ADARB2: variants seen among roughly 807,000 people sequenced by gnomAD.
ADARB2 encodes inactive double-stranded RNA-specific editase B2.
In ADARB2, 25 loss-of-function variants were observed where a neutral mutation model predicts 62.2. That is an observed-to-expected ratio of 0.40 (90% CI 0.29 to 0.56). The LOEUF is 0.56. Among genes scored for constraint, ADARB2 ranks in the 20% least tolerant of loss-of-function variants. ADARB2 has a pLI of 0.43. For synonymous variants in ADARB2, 572 were observed against 500.8 expected (o/e 1.14, Z -1.90); for missense variants, 1,071 against 1,077.4 (o/e 0.99, Z 0.08).
chr10:1,270,763 G>GGCCTAAT (rs1360002888), intron 4 of ADARB2, among the ~76,000 whole-genome samples, 192 bp downstream of exon 4: 2 of 152,224 alleles, frequency 1.3e-5, no homozygotes, highest in Non-Finnish European at 2.9e-5. Flanking sequence ...CCTAATCACA[G>GGCCTAAT]CACCATGGTC....
chr10:1,481,653 T>C (rs1223570416), intron 1 of ADARB2, among the ~76,000 whole-genome samples: 1 of 151,628 alleles, frequency 6.6e-6, no homozygotes, highest in Admixed American at 6.6e-5. Flanking sequence ...GGTCAGGAGT[T>C]CAAGACCAGC....
Position 1,737,284 on chromosome 10 carries a change from G to T in ADARB2, c.-134C>A. 1 of 791,134 alleles carries T rather than the reference G, an allele frequency of 1.3e-6. No homozygotes were observed. The highest frequency in any genetic ancestry group is 1.7e-5 in the South Asian group (1 of 59,346). The allele number at this position is 791,134 out of a possible 1,614,324, so 49.0% of individuals were successfully genotyped here. Reference sequence around the variant, plus strand: ...CGGGAGCGGCTCACTTTTCAGGACTGAGCAGGAAAGCGCGCTCCGTCTCTC... The same window carrying T: ...CGGGAGCGGCTCACTTTTCAGGACTTAGCAGGAAAGCGCGCTCCGTCTCTC... On this transcript the variant is annotated 5_prime_UTR_variant, in exon 1 of 10. Coordinates refer to ENST00000381312, the MANE Select transcript of ADARB2 (RefSeq NM_018702.4).
At chr10:1,636,204 G>C (rs773068229) in intron 1 of ADARB2, among the ~76,000 whole-genome samples, 6 of 152,176 alleles carry the variant, frequency 3.9e-5, no homozygotes, top group Non-Finnish European at 7.3e-5. Context: ...AACTGGTCTA[G>C]GCAGACTGAC....
chr10:1,411,633 G>A (rs112690944), intron 1 of ADARB2, among the ~76,000 whole-genome samples: 2,884 of 152,296 alleles, frequency 0.019, 38 homozygotes, highest in Middle Eastern at 0.044. Context: ...CGGGCGGTCC[G>A]TGCTGAGTGG....
At chr10:1,635,059 T>A (rs1833903075) in intron 1 of ADARB2, among the ~76,000 whole-genome samples, 1 of 152,218 alleles carries the variant, frequency 6.6e-6, no homozygotes, top group Non-Finnish European at 1.5e-5. Flanking sequence ...CTAAAGTAAG[T>A]GTATTTGTGA....
chr10:1,466,494 A>G (rs1366458777), intron 1 of ADARB2, among the ~76,000 whole-genome samples: 1 of 152,060 alleles, frequency 6.6e-6, no homozygotes, highest in South Asian at 2.1e-4. Context: ...GGCCGCACAC[A>G]TGGTGGGGGA....
intron 8 of ADARB2, among the ~76,000 whole-genome samples, chr10:1,195,655 G>C (rs1836900442): frequency 6.6e-6 from 1 of 152,072 alleles, no homozygotes; most frequent in Non-Finnish European, 1.5e-5. Flanking sequence ...ATCAGCCTGA[G>C]GCTTCTGAAT....
rs1345896871 is a variant in ADARB2 at position 1,731,590 on chromosome 10, G to A, written c.100+5461C>T. On this transcript the variant is annotated intron_variant, in intron 1 of 9. Transcript: ENST00000381312. ...TTAATTGAGTTATATCAAAAGCTAG[G>A]AATAAACAATCGCCTTTGAAAAATC... 2.0e-5 allele frequency among the ~76,000 whole-genome samples: 3 copies of A among 152,146 alleles called. No individual in the cohort carries two copies. In the East Asian group the frequency reaches 5.8e-4, roughly 29 times the overall value.
chr10:1,712,583 G>A (rs1010476261), intron 1 of ADARB2, among the ~76,000 whole-genome samples: 2 of 151,958 alleles, frequency 1.3e-5, no homozygotes, highest in African/African-American at 4.8e-5. Context: ...TACCCAGAAA[G>A]CTCTTCCAGT....
intron 1 of ADARB2, among the ~76,000 whole-genome samples, chr10:1,694,384 G>C (rs61831981): frequency 6.6e-6 from 1 of 152,110 alleles, no homozygotes; most frequent in African/African-American, 2.4e-5. Context: ...CTCTTCTGAG[G>C]GTCACTGGTG....
chr10:1,485,675 G>A (rs1265754678), intron 1 of ADARB2, among the ~76,000 whole-genome samples: 1 of 152,154 alleles, frequency 6.6e-6, no homozygotes, highest in African/African-American at 2.4e-5. Flanking sequence ...GTCACAACAC[G>A]TGCCCCGGTG....
chr10:1,558,723 CCGCA>C, intron 1 of ADARB2, among the ~76,000 whole-genome samples: 6 of 148,986 alleles, frequency 4.0e-5, no homozygotes, highest in Admixed American at 1.3e-4. Context: ...TGCTCAGCCC[CCGCA>C]TGCTCCATCT....
intron 1 of ADARB2, among the ~76,000 whole-genome samples, chr10:1,594,301 C>A (rs184718729): frequency 7.9e-5 from 12 of 152,070 alleles, no homozygotes; most frequent in African/African-American, 2.2e-4. Context: ...AAAAGAAAAT[C>A]AAAAAACAAA....
chr10:1,579,348 A>G (rs1833064399), intron 1 of ADARB2, among the ~76,000 whole-genome samples: 1 of 152,230 alleles, frequency 6.6e-6, no homozygotes, highest in Non-Finnish European at 1.5e-5. Flanking sequence ...GTGCCGCTGA[A>G]TCATGTAATT....
intron 2 of ADARB2, among the ~76,000 whole-genome samples, chr10:1,374,467 A>G (rs960863011): frequency 6.6e-6 from 1 of 152,218 alleles, no homozygotes; most frequent in Non-Finnish European, 1.5e-5. Context: ...AGAAAGGCCA[A>G]CGCTTTATAT....
intron 1 of ADARB2, among the ~76,000 whole-genome samples, chr10:1,578,755 T>A (rs990174363): frequency 1.2e-4 from 17 of 138,816 alleles, no homozygotes. Flanking sequence ...CACAGGTACC[T>A]ATGTTTATAC....
At chr10:1,184,446 T>C (rs1265856303) in intron 9 of ADARB2, among the ~76,000 whole-genome samples, 1 of 152,216 alleles carries the variant, frequency 6.6e-6, no homozygotes, top group African/African-American at 2.4e-5. Context: ...ATTCGAATTC[T>C]GAAATTCATT....
At chr10:1,233,438 T>A (rs772288435) in intron 6 of ADARB2, among the ~76,000 whole-genome samples, 28 of 152,174 alleles carry the variant, frequency 1.8e-4, no homozygotes, top group Admixed American at 1.7e-3. Context: ...TTGTCTGAGT[T>A]ATTAAAGCAG....
At chr10:1,198,368 TTTA>T (rs1183135834) in intron 8 of ADARB2, among the ~76,000 whole-genome samples, 1 of 152,226 alleles carries the variant, frequency 6.6e-6, no homozygotes, top group Admixed American at 6.5e-5. Context: ...GAGGGTGCTT[TTTA>T]TTATTATCCC....
Sources: allele counts gnomAD v4.1 joint callset (sites outside exome capture counted in the v4.1 genomes callset), GRCh38; gene constraint gnomAD v4.1.1; transcripts MANE v1.5; gene names NCBI Gene and HGNC (gene_info 2026-07-23, HGNC 2026-07-21).